Variants in FBXO10 observed in about 807,000 individuals in gnomAD.
The protein encoded by FBXO10 is F-box protein 10.
FBXO10 carries 39 observed loss-of-function variants against 80.7 expected under a neutral mutation model. The observed-to-expected ratio is 0.48, with a 90% CI of 0.37 to 0.63. The LOEUF (loss-of-function observed/expected upper bound fraction) is 0.63, where lower values mean the gene tolerates loss of function less well. Ranked by LOEUF, FBXO10 falls within the 30% of genes least tolerant of loss-of-function variation. FBXO10 has a pLI of 0.00. For synonymous variants in FBXO10, 449 were observed against 489.6 expected (o/e 0.92, Z 1.09); for missense variants, 1,025 against 1,269.0 (o/e 0.81, Z 2.92).
At chr9:37,519,399 C>G (rs1588823334) in intron 8 of FBXO10, among the ~76,000 whole-genome samples, 1 of 152,136 alleles carries the variant, frequency 6.6e-6, no homozygotes, top group African/African-American at 2.4e-5. Context: ...CATGGCTTGT[C>G]AGGAAAAGAA....
intron 1 of FBXO10, among the ~76,000 whole-genome samples, chr9:37,557,288 T>C (rs1411762819): frequency 6.6e-6 from 1 of 152,226 alleles, no homozygotes; most frequent in Non-Finnish European, 1.5e-5. Context: ...AACTCACTCT[T>C]TCCCTCACAA....
At chr9:37,542,272 T>A (rs1821940007) in intron 1 of FBXO10, among the ~76,000 whole-genome samples, 1 of 152,126 alleles carries the variant, frequency 6.6e-6, no homozygotes, top group African/African-American at 2.4e-5. Context: ...CAAGGAAGAC[T>A]CTCTTTTCTC....
At chr9:37,528,557 A>G (rs1401585541) in intron 5 of FBXO10, among the ~76,000 whole-genome samples, 1 of 152,012 alleles carries the variant, frequency 6.6e-6, no homozygotes, top group African/African-American at 2.4e-5. Flanking sequence ...TACCTCCTAA[A>G]TGAGGCCTTC....
In FBXO10 at chr9:37,511,873, G is replaced by C. The variant is rs570252036; in HGVS notation, c.*674C>G. On this transcript the variant is annotated 3_prime_UTR_variant, in exon 11 of 11. Coordinates refer to ENST00000432825, the MANE Select transcript of FBXO10 (RefSeq NM_012166.3). The stretch of plus-strand genomic sequence containing the variant: ...CTCTCTGGGGATGGAGTAGAGCCTT[G>C]TGCATCCCTGCCCACCCAGCCTAGC... 1 of 152,544 alleles carries C rather than the reference G, an allele frequency of 6.6e-6. No homozygotes were observed. Among genetic ancestry groups the C allele is most frequent in the Non-Finnish European group, 1.5e-5 (1 of 68,248 alleles). The allele number at this position is 152,544 out of a possible 1,614,324, so 9.4% of individuals were successfully genotyped here.
At position 37,512,520 on chromosome 9, in the gene FBXO10, G is replaced by T; in HGVS notation, c.*27C>A. ...TTAGCTCCTCTGAGCACCCATCCAG[G>T]CTTGGCCCTGAAGCAGGTCTGTGTC... On this transcript the variant is annotated 3_prime_UTR_variant, in exon 11 of 11. Transcript: ENST00000432825. 6 of 1,603,198 alleles carry T rather than the reference G, an allele frequency of 3.7e-6. No individual in the cohort carries two copies. The highest frequency in any genetic ancestry group is 5.1e-6 in the Non-Finnish European group (6 of 1,172,216).
chr9:37,542,796 AT>A (rs1232110227), intron 1 of FBXO10, among the ~76,000 whole-genome samples: 2 of 152,262 alleles, frequency 1.3e-5, no homozygotes, highest in Non-Finnish European at 1.5e-5. Context: ...TCTTCCTTCA[AT>A]TTTGTAGGAT....
At chr9:37,547,559 C>G (rs1424965139) in intron 1 of FBXO10, among the ~76,000 whole-genome samples, 1 of 152,176 alleles carries the variant, frequency 6.6e-6, no homozygotes, top group East Asian at 1.9e-4. Flanking sequence ...TGCAGTGAAA[C>G]ATGATCGCAT....
chr9:37,564,547 G>C (rs887365350), intron 1 of FBXO10, among the ~76,000 whole-genome samples: 3 of 152,206 alleles, frequency 2.0e-5, no homozygotes, highest in Admixed American at 6.5e-5. Context: ...AAGCCACAGG[G>C]GTGGAGCTGC....
At chr9:37,538,141 A>C (rs979174285) in intron 2 of FBXO10, among the ~76,000 whole-genome samples, 198 bp from the exon 3 acceptor site, 1 of 152,046 alleles carries the variant, frequency 6.6e-6, no homozygotes, top group Admixed American at 6.6e-5. Context: ...GGGAAACTGG[A>C]GCTGCCCGCA....
At chr9:37,531,700 C>T (rs573669746) in intron 4 of FBXO10, among the ~76,000 whole-genome samples, 139 of 152,226 alleles carry the variant, frequency 9.1e-4, no homozygotes, top group Middle Eastern at 6.8e-3. Context: ...TCCTTATTAA[C>T]GGGGAGATGA....
At chr9:37,514,657 G>A (rs1407873637) in intron 10 of FBXO10, among the ~76,000 whole-genome samples, 6 of 151,990 alleles carry the variant, frequency 3.9e-5, no homozygotes, top group Non-Finnish European at 5.9e-5. Flanking sequence ...TCAACATGGC[G>A]AAACTGTCTC....
At chr9:37,526,391 G>A (rs141582164) in intron 5 of FBXO10, among the ~76,000 whole-genome samples, 4 of 152,134 alleles carry the variant, frequency 2.6e-5, no homozygotes, top group African/African-American at 9.6e-5. Context: ...AGAAACAAAG[G>A]AAAAAAGCAC....
At chr9:37,561,415 A>G (rs2119178947) in intron 1 of FBXO10, among the ~76,000 whole-genome samples, 1 of 152,164 alleles carries the variant, frequency 6.6e-6, no homozygotes, top group South Asian at 2.1e-4. Context: ...CTAACCTCCC[A>G]CTGGAGGTAT....
intron 3 of FBXO10, among the ~76,000 whole-genome samples, chr9:37,536,883 T>G (rs2119111926): frequency 6.6e-6 from 1 of 152,332 alleles, no homozygotes; most frequent in Admixed American, 6.5e-5. Context: ...CAATTCTGCC[T>G]AACTTGCTAT....
intron 6 of FBXO10, 119 bp from the exon 7 acceptor site, chr9:37,523,096 G>C: frequency 9.1e-7 from 1 of 1,104,254 alleles, no homozygotes; most frequent in African/African-American, 1.6e-5. Flanking sequence ...GCCTTACCCT[G>C]CCAGCAATTA....
intron 5 of FBXO10, among the ~76,000 whole-genome samples, chr9:37,528,334 G>A (rs1427012987): frequency 6.6e-6 from 1 of 152,184 alleles, no homozygotes; most frequent in Admixed American, 6.5e-5. Context: ...AAGATATTCT[G>A]GGACCATCCC....
chr9:37,528,634 G>T (rs1006141212), intron 5 of FBXO10, among the ~76,000 whole-genome samples: 1 of 152,104 alleles, frequency 6.6e-6, no homozygotes, highest in African/African-American at 2.4e-5. Flanking sequence ...ATCACAGTCT[G>T]CCCCATACTA....
At chr9:37,547,747 C>A (rs1822092747) in intron 1 of FBXO10, among the ~76,000 whole-genome samples, 1 of 152,098 alleles carries the variant, frequency 6.6e-6, no homozygotes, top group African/African-American at 2.4e-5. Context: ...CAGCTTGAGT[C>A]CAGTTCGAGA....
At chr9:37,520,890 C>T (rs1183864818) in intron 8 of FBXO10, among the ~76,000 whole-genome samples, 1 of 152,100 alleles carries the variant, frequency 6.6e-6, no homozygotes, top group Non-Finnish European at 1.5e-5. Flanking sequence ...TTCTTTGTCT[C>T]AAGTTCATGG....
Sources: allele counts gnomAD v4.1 joint callset (sites outside exome capture counted in the v4.1 genomes callset), GRCh38; gene constraint gnomAD v4.1.1; transcripts MANE v1.5; gene names NCBI Gene and HGNC (gene_info 2026-07-23, HGNC 2026-07-21).